The following GPC5 variants were observed in gnomAD, a reference collection of about 807,000 sequenced individuals.
GPC5 encodes glypican-5.
In GPC5, 47 loss-of-function variants were observed where a neutral mutation model predicts 53.9. That is an observed-to-expected ratio of 0.87 (90% CI 0.69 to 1.11). The LOEUF (loss-of-function observed/expected upper bound fraction) is 1.11, where lower values mean the gene tolerates loss of function less well. Among genes scored for constraint, GPC5 ranks in the 50% most tolerant of loss-of-function variants. GPC5 has a pLI of 0.00. For missense variants in GPC5, 748 were observed against 713.1 expected, an observed-to-expected ratio of 1.05 and a Z score of -0.56; for synonymous variants, 286 against 263.3, an observed-to-expected ratio of 1.09 and a Z score of -0.84.
chr13:92,618,488 T>C (rs1198424420), intron 7 of GPC5, among the ~76,000 whole-genome samples: 1 of 152,052 alleles, frequency 6.6e-6, no homozygotes, highest in Admixed American at 6.6e-5. Context: ...TAGATACACC[T>C]GTGATTAAAA....
intron 1 of GPC5, among the ~76,000 whole-genome samples, chr13:91,432,803 T>C (rs1391536450): frequency 6.6e-6 from 1 of 152,198 alleles, no homozygotes; most frequent in Non-Finnish European, 1.5e-5. Flanking sequence ...ATAAATACAA[T>C]AGCCATAAAT....
At chr13:92,014,814 T>A (rs2040692895) in intron 6 of GPC5, among the ~76,000 whole-genome samples, 1 of 152,190 alleles carries the variant, frequency 6.6e-6, no homozygotes, top group Admixed American at 6.5e-5. Context: ...TTGTATTAAA[T>A]AATGCACTCA....
intron 6 of GPC5, among the ~76,000 whole-genome samples, chr13:92,121,407 A>G (rs1327873424): frequency 1.3e-5 from 2 of 152,194 alleles, no homozygotes; most frequent in Non-Finnish European, 2.9e-5. Flanking sequence ...TTAATCTGTC[A>G]GGTCTAACTG....
intron 2 of GPC5, among the ~76,000 whole-genome samples, chr13:91,574,975 A>G (rs774255290): frequency 6.6e-5 from 10 of 152,152 alleles, no homozygotes; most frequent in Non-Finnish European, 1.3e-4. Context: ...GCATGATGCC[A>G]TGGAATGTTT....
At chr13:92,724,913 A>ACACACACACACAC (rs1566386562) in intron 7 of GPC5, among the ~76,000 whole-genome samples, 31 of 88,874 alleles carry the variant, frequency 3.5e-4, no homozygotes, top group Admixed American at 2.0e-3. Flanking sequence ...CACACACACA[A>ACACACACACACAC]GAAAGAAAAA....
chr13:92,008,818 A>G (rs1325590052), intron 6 of GPC5, among the ~76,000 whole-genome samples: 1 of 152,032 alleles, frequency 6.6e-6, no homozygotes, highest in East Asian at 1.9e-4. Flanking sequence ...GTAATGTTTA[A>G]TATTGTCTCA....
At chr13:92,705,062 G>A (rs1887904618) in intron 7 of GPC5, among the ~76,000 whole-genome samples, 1 of 151,730 alleles carries the variant, frequency 6.6e-6, no homozygotes, top group Non-Finnish European at 1.5e-5. Context: ...TTAATATTAT[G>A]GCAAAAAGTT....
intron 6 of GPC5, among the ~76,000 whole-genome samples, chr13:92,053,647 T>C (rs1182272177): frequency 2.0e-5 from 3 of 152,196 alleles, no homozygotes; most frequent in African/African-American, 7.2e-5. Flanking sequence ...TATGAAAATA[T>C]GTACAAAATA....
intron 2 of GPC5, among the ~76,000 whole-genome samples, chr13:91,628,506 C>CTGTCTGTCTA (rs375961276): frequency 6.6e-6 from 1 of 150,896 alleles, no homozygotes; most frequent in Non-Finnish European, 1.5e-5. Flanking sequence ...GTCTGTCTAT[C>CTGTCTGTCTA]TCTCTATCTA....
chr13:91,985,489 C>T (rs1449284107), intron 6 of GPC5, among the ~76,000 whole-genome samples: 2 of 150,486 alleles, frequency 1.3e-5, no homozygotes, highest in African/African-American at 2.4e-5. Flanking sequence ...TTGTTTTTTA[C>T]TTGTTTCATC....
At chr13:91,981,393 C>T (rs1397789732) in intron 6 of GPC5, among the ~76,000 whole-genome samples, 1 of 151,816 alleles carries the variant, frequency 6.6e-6, no homozygotes, top group Non-Finnish European at 1.5e-5. Context: ...GGGTTCACGC[C>T]ATTCTCCTGC....
At chr13:91,516,485 A>G (rs1029591461) in intron 2 of GPC5, among the ~76,000 whole-genome samples, 6 of 152,200 alleles carry the variant, frequency 3.9e-5, no homozygotes, top group African/African-American at 1.4e-4. Flanking sequence ...GTGGGTTTCC[A>G]TGGTCTTGGA....
intron 7 of GPC5, among the ~76,000 whole-genome samples, chr13:92,251,364 G>A (rs1389899530): frequency 1.3e-5 from 2 of 151,984 alleles, no homozygotes; most frequent in East Asian, 1.9e-4. Flanking sequence ...GTGGCTCCAC[G>A]TAAATCTCTA....
chr13:91,786,175 TTA>T (rs1453981062), intron 5 of GPC5, among the ~76,000 whole-genome samples: 2 of 152,160 alleles, frequency 1.3e-5, no homozygotes, highest in Non-Finnish European at 2.9e-5. Flanking sequence ...TTTTGTATTT[TTA>T]GTCGAAATGG....
At chr13:92,387,230 A>G (rs72638685) in intron 7 of GPC5, among the ~76,000 whole-genome samples, 4,449 of 152,230 alleles carry the variant, frequency 0.029, 134 homozygotes, top group East Asian at 0.11. Flanking sequence ...AATAAGTTAC[A>G]TGAGATATTC....
At chr13:92,653,723 C>T (rs1226070535) in intron 7 of GPC5, among the ~76,000 whole-genome samples, 2 of 152,156 alleles carry the variant, frequency 1.3e-5, no homozygotes, top group Non-Finnish European at 1.5e-5. Flanking sequence ...TTTCTGTGGC[C>T]TTACACATAA....
At chr13:92,265,235 G>T (rs968317859) in intron 7 of GPC5, among the ~76,000 whole-genome samples, 2 of 151,866 alleles carry the variant, frequency 1.3e-5, no homozygotes, top group African/African-American at 2.4e-5. Flanking sequence ...TTTCCAAATT[G>T]CTTCCCTTTT....
At chr13:92,385,767 GTATATATACATATATGTA>G (rs1282500085) in intron 7 of GPC5, among the ~76,000 whole-genome samples, 1,748 of 76,672 alleles carry the variant, frequency 0.023, 26 homozygotes, top group African/African-American at 0.081. Flanking sequence ...ATATATATAC[GTATATATACATATATGTA>G]TATATATACA....
At chr13:92,759,755 T>C (rs1319136258) in intron 7 of GPC5, among the ~76,000 whole-genome samples, 1 of 152,074 alleles carries the variant, frequency 6.6e-6, no homozygotes, top group Non-Finnish European at 1.5e-5. Context: ...CTATGGTGAA[T>C]AGAAGTGGTG....
Sources: gnomAD v4.1 joint callset for allele counts (sites outside exome capture counted in the v4.1 genomes callset) on GRCh38, gnomAD v4.1.1 for gene constraint, MANE v1.5 for transcripts, NCBI Gene and HGNC (gene_info 2026-07-23, HGNC 2026-07-21) for gene names.